LPA: variants seen among roughly 807,000 people sequenced by gnomAD.
LPA encodes apolipoprotein(a).
In LPA, 199 loss-of-function variants were observed where a neutral mutation model predicts 197.9. The observed-to-expected ratio is 1.01, with a 90% CI of 0.90 to 1.13. The LOEUF (loss-of-function observed/expected upper bound fraction) is 1.13. LPA is among the 50% of genes most tolerant of loss of function. The pLI is 0.00. For synonymous variants in LPA, 715 were observed against 639.5 expected (o/e 1.12, Z -1.78); for missense variants, 1,853 against 1,785.8 (o/e 1.04, Z -0.68).
In LPA at chr6:160,586,584, G is replaced by A. The variant is rs1450704075; in HGVS notation, c.3994C>T (p.Pro1332Ser). ...YCRNPDAEIR[P>S]WCYTMDPSVR... is the part of the protein sequence containing the mutation. ...CTGGGATCCATGGTATAACACCAAG[G>A]GCGAATCTCAGCATCTGGATTCCTG... The change falls in exon 25 of 39, where the codon CCT (proline) becomes TCT (serine). Residue 1332 changes from proline (P) to serine (S), a missense_variant. Pro to Ser is a moderately conservative substitution (Grantham distance 74). Around this residue, in one of 3 missense-constraint regions of LPA, gnomAD observed 1,737 missense variants for 1,504.4 expected, o/e 1.15. Transcript: ENST00000316300. The A allele has an allele frequency of 1.2e-6, 2 of 1,613,594 alleles. No individual in the cohort carries two copies. The highest frequency in any genetic ancestry group is 2.2e-5 in the East Asian group (1 of 44,870).
chr6:160,608,685 T>C (rs541750338), intron 16 of LPA, among the ~76,000 whole-genome samples: 1 of 152,310 alleles, frequency 6.6e-6, no homozygotes, highest in Admixed American at 6.5e-5. Flanking sequence ...CATCCTTGAT[T>C]CCGGTATTTG....
intron 28 of LPA, among the ~76,000 whole-genome samples, chr6:160,574,556 A>G (rs1161043097): frequency 1.3e-5 from 2 of 152,142 alleles, no homozygotes; most frequent in African/African-American, 2.4e-5. Flanking sequence ...TTGGGGATCC[A>G]GCAAGCTCTG....
Position 160,585,080 on chromosome 6 carries a change from A to C in LPA, c.4255T>G (p.Trp1419Gly), listed in dbSNP as rs1333055721. ...TAGTATAATGGGATCCTCCGATGCC[A>C]ATGTGGTGTCATAGACGACCAAGAC... ...CQSWSSMTPH[W>G]HRRIPLYYPN... Residue 1419 changes from tryptophan (W) to glycine (G), a missense_variant, in exon 26 of 39, where the codon TGG becomes GGG. Trp to Gly is a radical substitution (Grantham distance 184). This residue lies in a region of LPA where 1,737 missense variants were observed against 1,504.4 expected (regional missense o/e 1.15). Coordinates refer to ENST00000316300, the MANE Select transcript of LPA (RefSeq NM_005577.4). 4 of 1,613,836 alleles carry C rather than the reference A, an allele frequency of 2.5e-6. No homozygotes were observed. Among genetic ancestry groups the C allele is most frequent in the Non-Finnish European group, 2.5e-6 (3 of 1,179,784 alleles).
chr6:160,532,781 A>G (rs1425972114), intron 37 of LPA, 132 bp from the exon 38 acceptor site: 6 of 726,130 alleles, frequency 8.3e-6, no homozygotes, highest in Admixed American at 5.6e-5. Context: ...GCAGCTCCCA[A>G]TGCCACTGGA....
In LPA at chr6:160,590,960, C is replaced by T. The variant is rs375532698; in HGVS notation, c.3771G>A (p.Thr1257=). ...VTESSVLATS[T]AVSEQAPTEQ... The stretch of plus-strand genomic sequence containing the variant: ...ACTTCTTACCTTGTTCAGAAACAGC[C>T]GTGGACGTCGCAAGGACACTTGATT... The change falls in exon 23 of 39, where the codon ACG becomes ACA. Residue 1257 remains threonine (T), a synonymous_variant. Coordinates refer to ENST00000316300, the MANE Select transcript of LPA (RefSeq NM_005577.4). The T allele has an allele frequency of 2.6e-5, 42 of 1,613,910 alleles. No individual in the cohort carries two copies. The highest frequency in any genetic ancestry group is 1.5e-4 in the South Asian group (14 of 91,076).
At chr6:160,649,669 C>A (rs534881052) in intron 2 of LPA, among the ~76,000 whole-genome samples, 2 of 152,140 alleles carry the variant, frequency 1.3e-5, no homozygotes, top group Non-Finnish European at 2.9e-5. Flanking sequence ...GTCCAACAAG[C>A]GGAAATCATT....
chr6:160,544,767 CT>C (rs930586878), intron 33 of LPA, among the ~76,000 whole-genome samples: 12 of 152,224 alleles, frequency 7.9e-5, no homozygotes, highest in East Asian at 1.9e-4. Flanking sequence ...GTACAAGTGG[CT>C]TTTTTTCCCC....
intron 2 of LPA, among the ~76,000 whole-genome samples, chr6:160,647,193 C>T (rs559620254): frequency 6.6e-6 from 1 of 152,242 alleles, no homozygotes; most frequent in East Asian, 1.9e-4. Context: ...CAGTGGGTCC[C>T]ATGGCATAAA....
chr6:160,592,105 CTTCT>C (rs1311709664), intron 22 of LPA, among the ~76,000 whole-genome samples: 1 of 152,160 alleles, frequency 6.6e-6, no homozygotes, highest in East Asian at 1.9e-4. Context: ...TCAAGTATAA[CTTCT>C]GTCACATTAT....
intron 20 of LPA, among the ~76,000 whole-genome samples, chr6:160,597,093 A>C (rs1267317803): frequency 1.3e-5 from 2 of 152,222 alleles, no homozygotes; most frequent in African/African-American, 2.4e-5. Flanking sequence ...CTGGAAGGTC[A>C]TGTGTAGAGT....
chr6:160,591,198 T>A, intron 22 of LPA, 97 bp from the exon 23 acceptor site: 1 of 1,488,666 alleles, frequency 6.7e-7, no homozygotes, highest in South Asian at 1.2e-5. Context: ...TGGTAAAAAG[T>A]GACTTTGAAA....
intron 23 of LPA, 117 bp downstream of exon 23, chr6:160,590,827 C>A (rs544260052): frequency 5.0e-6 from 7 of 1,411,844 alleles, no homozygotes; most frequent in Non-Finnish European, 6.9e-6. Flanking sequence ...CATTGGCTGA[C>A]CCTGAGTCCA....
At chr6:160,547,436 C>T (rs1778090051) in intron 32 of LPA, among the ~76,000 whole-genome samples, 1 of 152,134 alleles carries the variant, frequency 6.6e-6, no homozygotes, top group African/African-American at 2.4e-5. Context: ...TGTTTGCTCC[C>T]CCGAAGCTCA....
chr6:160,656,374 C>T (rs1780133799), intron 1 of LPA, among the ~76,000 whole-genome samples: 1 of 152,176 alleles, frequency 6.6e-6, no homozygotes, highest in Non-Finnish European at 1.5e-5. Flanking sequence ...GGCATTTCTG[C>T]CAGCTAATAA....
rs1417690881 is a variant in LPA, at chr6:160,531,630, G to A, written c.*99C>T. 6.0e-6 allele frequency: 9 copies of A among 1,506,216 alleles called. No homozygotes were observed. Among genetic ancestry groups the A allele is most frequent in the Non-Finnish European group, 7.4e-6 (8 of 1,084,348 alleles). 93.3% of individuals were successfully genotyped at this position (1,506,216 alleles called of 1,614,324 possible). ...GGCATAGCTGGTAGCTGGGAACAGT[G>A]TCTTCGTTTGATTGCTGTCTATTAT... On this transcript the variant is annotated 3_prime_UTR_variant, in exon 39 of 39. Transcript: ENST00000316300.
chr6:160,662,090 T>C (rs555278901), intron 1 of LPA, among the ~76,000 whole-genome samples: 64 of 152,356 alleles, frequency 4.2e-4, no homozygotes, highest in Non-Finnish European at 7.2e-4. Flanking sequence ...GAATCAATTT[T>C]TCTTTTTTTA....
At chr6:160,558,718 G>T (rs1287020937) in intron 28 of LPA, among the ~76,000 whole-genome samples, 2 of 152,182 alleles carry the variant, frequency 1.3e-5, no homozygotes, top group African/African-American at 2.4e-5. Context: ...CTACAGAGGA[G>T]TCAGAAAACA....
chr6:160,581,321 G>A (rs1778791012), intron 26 of LPA, among the ~76,000 whole-genome samples: 1 of 151,918 alleles, frequency 6.6e-6, no homozygotes, highest in Non-Finnish European at 1.5e-5. Context: ...AGAGAGAGAG[G>A]GAAGGTTTTA....
At chr6:160,541,206 T>A in intron 34 of LPA, 25 bp from the exon 35 acceptor site, 1 of 1,517,450 alleles carries the variant, frequency 6.6e-7, no homozygotes, top group Non-Finnish European at 9.2e-7. Context: ...TGCCAAGGCT[T>A]TGGTCAAATT....
Sources: allele counts gnomAD v4.1 joint callset (sites outside exome capture counted in the v4.1 genomes callset), GRCh38; gene constraint gnomAD v4.1.1; regional missense constraint gnomAD v4.1.1; transcripts MANE v1.5; gene names NCBI Gene and HGNC (gene_info 2026-07-23, HGNC 2026-07-21).